USP4: variants seen among roughly 807,000 people sequenced by gnomAD.
USP4 encodes the protein ubiquitin specific peptidase 4, also known as ubiquitin carboxyl-terminal hydrolase 4.
In USP4, 72 loss-of-function variants were observed where a neutral mutation model predicts 118.2. The ratio of observed to expected loss-of-function variants is 0.61; its 90% confidence interval spans 0.50 to 0.74. The LOEUF is 0.74. Ranked by LOEUF, USP4 falls within the 30% of genes least tolerant of loss-of-function variation. The pLI, the probability that USP4 is intolerant of heterozygous loss-of-function variation, is 0.00. For missense variants in USP4, 1,037 were observed against 1,185.7 expected, an observed-to-expected ratio of 0.87 and a Z score of 1.84; for synonymous variants, 415 against 440.4, an observed-to-expected ratio of 0.94 and a Z score of 0.72.
chr3:49,289,980 G>A (rs2047135909), intron 15 of USP4, among the ~76,000 whole-genome samples: 1 of 152,080 alleles, frequency 6.6e-6, no homozygotes, highest in Non-Finnish European at 1.5e-5. Flanking sequence ...AAATTAGCTG[G>A]GTATGGTGAC....
chr3:49,336,714 G>A (rs2047672504), intron 1 of USP4, among the ~76,000 whole-genome samples: 1 of 151,326 alleles, frequency 6.6e-6, no homozygotes, highest in Non-Finnish European at 1.5e-5. Flanking sequence ...TAGAGACAGG[G>A]TTTCTCCATG....
intron 6 of USP4, chr3:49,317,496 A>C: frequency 1.7e-6 from 1 of 600,262 alleles, no homozygotes; most frequent in African/African-American, 2.2e-5. Context: ...TTTTTTTGAG[A>C]TGGAGTTTCA....
intron 2 of USP4, among the ~76,000 whole-genome samples, chr3:49,329,930 A>G (rs2047595372): frequency 6.6e-6 from 1 of 152,140 alleles, no homozygotes; most frequent in Admixed American, 6.6e-5. Context: ...ACTTGAGGTC[A>G]GAAGTTTGAG....
chr3:49,305,760 C>G lies in USP4; in HGVS notation c.1083G>C (p.Gln361His), dbSNP rs776948069. ...CATGGGCGTCCCTTCCAGACCACAT[C>G]TGCTTAATGAGTTCAGCATAGGCTT... ...IAEAYAELIK[Q>H]MWSGRDAHVA... The change falls in exon 9 of 22, where the codon CAG (glutamine) becomes CAC (histidine). Residue 361 changes from glutamine to histidine, a missense_variant. By Grantham distance (24) the Gln-to-His change is conservative (BLOSUM62 0). Coordinates refer to ENST00000265560, the MANE Select transcript of USP4 (RefSeq NM_003363.4). The G allele has an allele frequency of 1.2e-6, 2 of 1,612,868 alleles. No homozygotes were observed. Among genetic ancestry groups the G allele is most frequent in the Non-Finnish European group, 1.7e-6 (2 of 1,179,520 alleles).
intron 9 of USP4, 109 bp from the exon 10 acceptor site, chr3:49,302,651 G>A: frequency 9.1e-7 from 1 of 1,101,164 alleles, no homozygotes. Flanking sequence ...GGCAGTGAGA[G>A]AGAACACTTG....
At chr3:49,320,871 T>C (rs2047492114) in intron 6 of USP4, among the ~76,000 whole-genome samples, 1 of 152,146 alleles carries the variant, frequency 6.6e-6, no homozygotes, top group Non-Finnish European at 1.5e-5. Flanking sequence ...AGTCGCCTCC[T>C]GCTAGCTATT....
intron 9 of USP4, among the ~76,000 whole-genome samples, chr3:49,305,083 T>G (rs1216577810): frequency 3.0e-5 from 4 of 133,700 alleles, no homozygotes; most frequent in Admixed American, 2.3e-4. Context: ...TGTTGTTGTT[T>G]TTTCTTTGAG....
chr3:49,281,942 C>A (rs2047034896), intron 19 of USP4, among the ~76,000 whole-genome samples: 1 of 151,580 alleles, frequency 6.6e-6, no homozygotes, highest in African/African-American at 2.4e-5. Flanking sequence ...ACCCAGGAGG[C>A]AGAGGTTGTA....
intron 11 of USP4, among the ~76,000 whole-genome samples, chr3:49,299,585 G>A (rs1284795095): frequency 2.0e-5 from 3 of 150,282 alleles, no homozygotes; most frequent in Non-Finnish European, 4.4e-5. Context: ...GTAGAGACGG[G>A]GTTTCACCGT....
rs1364924794 is a variant in USP4 at position 49,292,594 on chromosome 3, A to T, written c.1888T>A (p.Tyr630Asn). The change falls in exon 15 of 22, where the codon TAT becomes AAT. Residue 630 changes from tyrosine (Y) to asparagine (N), a missense_variant. Transcript: ENST00000265560. Reference sequence around the variant, plus strand: ...TCATCAGGTAAAGGCTGTTTCACATAGCGGCTTCAAAAAGAGAAAAAGAGA... The same window carrying T: ...TCATCAGGTAAAGGCTGTTTCACATTGCGGCTTCAAAAAGAGAAAAAGAGA... ...YQAVCDRISR[Y>N]VKQPLPDEFG... The T allele has an allele frequency of 6.3e-7, 1 of 1,579,864 alleles. No homozygotes were observed. The highest frequency in any genetic ancestry group is 8.6e-7 in the Non-Finnish European group (1 of 1,165,108).
intron 3 of USP4, 28 bp downstream of exon 3, chr3:49,327,658 A>G: frequency 3.7e-6 from 6 of 1,613,128 alleles, no homozygotes; most frequent in Non-Finnish European, 5.1e-6. Context: ...GACAGTGACC[A>G]GCAGGTGGGA....
intron 11 of USP4, 55 bp downstream of exon 11, chr3:49,300,411 TG>T: frequency 6.5e-7 from 1 of 1,534,616 alleles, no homozygotes; most frequent in Non-Finnish European, 9.0e-7. Context: ...GCAGTCCCAC[TG>T]GGATCTGGAG....
At chr3:49,302,662 G>A in intron 9 of USP4, 120 bp from the exon 10 acceptor site, 2 of 966,562 alleles carry the variant, frequency 2.1e-6, no homozygotes, top group Non-Finnish European at 3.0e-6. Context: ...AGAACACTTG[G>A]TTGAGTAGTC....
intron 11 of USP4, among the ~76,000 whole-genome samples, chr3:49,299,649 C>T (rs1420121045): frequency 6.6e-6 from 1 of 152,086 alleles, no homozygotes; most frequent in Non-Finnish European, 1.5e-5. Context: ...GCCTCGGCCT[C>T]CCAAAGTGCT....
intron 16 of USP4, among the ~76,000 whole-genome samples, chr3:49,285,621 G>A (rs1296342895): frequency 1.2e-4 from 19 of 152,092 alleles, no homozygotes. Context: ...CTGGCCAATT[G>A]TGCTTTTCAC....
intron 13 of USP4, among the ~76,000 whole-genome samples, chr3:49,295,288 C>CAAAAAAAA (rs34296887): frequency 1.7e-4 from 2 of 11,944 alleles, no homozygotes; most frequent in Non-Finnish European, 3.6e-4. Flanking sequence ...GACTCCATCT[C>CAAAAAAAA]AAAAAAAAAA....
intron 18 of USP4, 98 bp from the exon 19 acceptor site, chr3:49,284,234 C>T (rs1263278855): frequency 6.7e-7 from 1 of 1,494,768 alleles, no homozygotes; most frequent in Admixed American, 1.8e-5. Context: ...TGATAGCTGC[C>T]ATCCTCTCGG....
At chr3:49,300,095 A>C (rs2047249317) in intron 11 of USP4, among the ~76,000 whole-genome samples, 1 of 152,084 alleles carries the variant, frequency 6.6e-6, no homozygotes, top group African/African-American at 2.4e-5. Flanking sequence ...AAAAATACAA[A>C]AATTAGCTGA....
At chr3:49,332,279 A>AAAAG (rs2047625770) in intron 2 of USP4, among the ~76,000 whole-genome samples, 1 of 151,984 alleles carries the variant, frequency 6.6e-6, no homozygotes, top group Non-Finnish European at 1.5e-5. Flanking sequence ...TCTGTCTTAC[A>AAAAG]AAACAAACAA....
Sources: gnomAD v4.1 joint callset for allele counts (sites outside exome capture counted in the v4.1 genomes callset) on GRCh38, gnomAD v4.1.1 for gene constraint, MANE v1.5 for transcripts, NCBI Gene and HGNC (gene_info 2026-07-23, HGNC 2026-07-21) for gene names.